CBARP: variants seen among roughly 807,000 people sequenced by gnomAD.
CBARP encodes the protein voltage-dependent calcium channel beta subunit-associated regulatory protein.
CBARP carries 24 observed loss-of-function variants against 36.3 expected under a neutral mutation model. That is an observed-to-expected ratio of 0.66 (90% CI 0.48 to 0.93). The LOEUF is 0.93. Among genes scored for constraint, CBARP ranks in the 40% least tolerant of loss-of-function variants. CBARP has a pLI of 0.00. For synonymous variants in CBARP, 586 were observed against 453.2 expected, an observed-to-expected ratio of 1.29 and a Z score of -3.72; for missense variants, 1,146 against 980.4, an observed-to-expected ratio of 1.17 and a Z score of -2.26.
chr19:1,230,677 G>A, intron 9 of CBARP: 1 of 1,280,322 alleles, frequency 7.8e-7, no homozygotes, highest in Non-Finnish European at 9.9e-7. Context: ...TGGGCTTCAG[G>A]GAAGTTGCCC....
chr19:1,231,451 C>T (rs1483536864), intron 8 of CBARP, among the ~76,000 whole-genome samples, 176 bp from the exon 9 acceptor site: 14 of 119,590 alleles, frequency 1.2e-4, no homozygotes, highest in African/African-American at 3.8e-4. Context: ...ACACATACAA[C>T]GCCTGGGCCC....
At chr19:1,232,653 T>G (rs559843715) in intron 8 of CBARP, among the ~76,000 whole-genome samples, 3 of 152,322 alleles carry the variant, frequency 2.0e-5, no homozygotes, top group African/African-American at 7.2e-5. Flanking sequence ...CCTGCAGAAT[T>G]GAAGGGCTAC....
At chr19:1,230,237 G>GTGGGACT in intron 9 of CBARP, 95 bp from the exon 10 acceptor site, 1 of 994,062 alleles carries the variant, frequency 1.0e-6, no homozygotes, top group African/African-American at 1.7e-5. Flanking sequence ...GTGGACGCGG[G>GTGGGACT]TGGGACTTGG....
chr19:1,229,968 C>T lies in CBARP; in HGVS notation c.1329G>A (p.Ser443=), dbSNP rs1462742157. 2 of 1,214,092 alleles carry T rather than the reference C, an allele frequency of 1.6e-6. No individual in the cohort carries two copies. Among genetic ancestry groups the T allele is most frequent in the South Asian group, 2.7e-5 (2 of 73,742 alleles). The allele number at this position is 1,214,092 out of a possible 1,614,324, so 75.2% of individuals were successfully genotyped here. A position where few individuals can be genotyped will look rare whatever the true frequency, so the allele number is the denominator to read the frequency against. ...SYRDLWSLRA[S]LELHAAASDH... is the part of the protein sequence containing the mutation. ...CCGAGGCGGCCGCATGCAGCTCAAGCGAGGCGCGCAGGCTCCACAGGTCGC... is the reference window on the plus strand; with the variant it reads ...CCGAGGCGGCCGCATGCAGCTCAAGTGAGGCGCGCAGGCTCCACAGGTCGC... Residue 443 remains serine (S), a synonymous_variant, in exon 10 of 10, where the codon TCG becomes TCA. Coordinates refer to ENST00000650044, the MANE Select transcript of CBARP (RefSeq NM_001393918.1). The surrounding 1 kb of genome is among the most constrained non-coding windows in gnomAD (Gnocchi z 5.1).
intron 1 of CBARP, among the ~76,000 whole-genome samples, chr19:1,237,165 G>C (rs1000505074): frequency 1.3e-5 from 2 of 152,344 alleles, no homozygotes; most frequent in South Asian, 4.1e-4. Context: ...TGCCCTTCCC[G>C]GACTTCCGCC....
chr19:1,229,179 T>G lies in CBARP; in HGVS notation c.2118A>C (p.Ter706TyrextTer82). The part of the protein sequence containing the change: ...APTSPDHSPA[*>Y] ...GAGAGATGGGCCCAGGACGCGGGAC[T>G]TAGGCCGGGCTGTGGTCGGGGGACG... Residue 706 changes from the stop codon to tyrosine (Y), a stop_lost, in exon 10 of 10, where the codon TAA becomes TAC. Transcript: ENST00000650044. This position sits in a 1 kb window ranked among gnomAD's most constrained non-coding sequence, Gnocchi z 5.1. The G allele has an allele frequency of 8.8e-7, 1 of 1,142,524 alleles. No homozygotes were observed. The highest frequency in any genetic ancestry group is 1.1e-6 in the Non-Finnish European group (1 of 910,102). The allele number at this position is 1,142,524 out of a possible 1,614,324, so 70.8% of individuals were successfully genotyped here.
At chr19:1,234,453 C>G in intron 6 of CBARP, 118 bp downstream of exon 6, 1 of 1,435,600 alleles carries the variant, frequency 7.0e-7, no homozygotes, top group Non-Finnish European at 9.1e-7. Context: ...CACCCCACCC[C>G]GCCCATCCCG....
chr19:1,231,670 G>A (rs867556061), intron 8 of CBARP, among the ~76,000 whole-genome samples: 11 of 146,980 alleles, frequency 7.5e-5, no homozygotes, highest in Non-Finnish European at 1.5e-4. Flanking sequence ...CACACAACGC[G>A]TGTGCCCTGT....
At chr19:1,233,017 G>A (rs1459136357) in intron 8 of CBARP, among the ~76,000 whole-genome samples, 2 of 152,214 alleles carry the variant, frequency 1.3e-5, no homozygotes, top group Non-Finnish European at 2.9e-5. Flanking sequence ...GGGGGAACCC[G>A]CCTTCCACTC....
In CBARP at chr19:1,235,781, G is replaced by C. The variant is rs1335989782; in HGVS notation, c.243C>G (p.Asn81Lys). 6.8e-6 allele frequency: 11 copies of C among 1,607,298 alleles called. No homozygotes were observed. Among genetic ancestry groups the C allele is most frequent in the South Asian group, 2.2e-5 (2 of 91,086 alleles). ...CAGCCGAGGTGGGGGCCTCGCACCTGTTGAGGCGCTGGTGGACGTCCCAGC... is the reference window on the plus strand; with the variant it reads ...CAGCCGAGGTGGGGGCCTCGCACCTCTTGAGGCGCTGGTGGACGTCCCAGC... ...KRCWDVHQRL[N>K]RAMEEAEKTT... Residue 81 changes from asparagine to lysine, a missense_variant and splice_region_variant, in exon 3 of 10, where the codon AAC becomes AAG. Asn to Lys is a moderately conservative substitution (Grantham distance 94, BLOSUM62 0). Transcript: ENST00000650044.
Position 1,229,504 on chromosome 19 carries a change from A to T in CBARP, c.1793T>A (p.Leu598Gln). 2.0e-6 allele frequency: 2 copies of T among 978,658 alleles called. No homozygotes were observed. Among genetic ancestry groups the T allele is most frequent in the Non-Finnish European group, 2.4e-6 (2 of 827,578 alleles). 60.6% of individuals were successfully genotyped at this position (978,658 alleles called of 1,614,324 possible). Residue 598 changes from leucine to glutamine, a missense_variant, in exon 10 of 10, where the codon CTG becomes CAG. Coordinates refer to ENST00000650044, the MANE Select transcript of CBARP (RefSeq NM_001393918.1). The surrounding 1 kb of genome is among the most constrained non-coding windows in gnomAD (Gnocchi z 5.1). ...GGCAGGCGGTGCCGGGGTTCCGGCC[A>T]GGGCCGGGGCCGCGCGGGCGCCGGG... ...SDPGARAAPA[L>Q]AGTPAPPAGA...
intron 9 of CBARP, chr19:1,230,792 T>A: frequency 7.1e-7 from 1 of 1,413,484 alleles, no homozygotes; most frequent in Non-Finnish European, 9.2e-7. Context: ...GGAGAGGGCC[T>A]GGGACCACAG....
At position 1,231,132 on chromosome 19, in the gene CBARP, A is replaced by G; in HGVS notation, c.1123T>C (p.Phe375Leu). The change falls in exon 9 of 10, where the codon TTT becomes CTT. Residue 375 changes from phenylalanine to leucine, a missense_variant. Transcript: ENST00000650044. ...AGAGCAGGGGGCGGGCTGGCCAGAA[A>G]GGGGCGGGGGTGCGGGAAGGCCACG... ...DAVAFPHPRPFLASPPPALGR... is the reference protein window; with the variant it reads ...DAVAFPHPRPLLASPPPALGR... 1 of 1,595,800 alleles carries G rather than the reference A, an allele frequency of 6.3e-7. No homozygotes were observed. The highest frequency in any genetic ancestry group is 8.5e-7 in the Non-Finnish European group (1 of 1,170,238).
At chr19:1,237,269 C>T (rs1230325292) in intron 1 of CBARP, among the ~76,000 whole-genome samples, 1 of 152,212 alleles carries the variant, frequency 6.6e-6, no homozygotes, top group African/African-American at 2.4e-5. Flanking sequence ...CTGCCCGGGC[C>T]CTGGTACTGG....
Position 1,235,137 on chromosome 19 carries a change from A to G in CBARP, c.319T>C (p.Phe107Leu). The change falls in exon 5 of 10, where the codon TTC (phenylalanine) becomes CTC (leucine). Residue 107 changes from phenylalanine (F) to leucine (L), a missense_variant. Physicochemically the swap from Phe to Leu is conservative, Grantham distance 22. Coordinates refer to ENST00000650044, the MANE Select transcript of CBARP (RefSeq NM_001393918.1). ...TGGCACTCGGGGTCCTCTCCCCGGA[A>G]GTCGGGGTCTGCGTGGAGAGGCAGG... Reference protein sequence around the residue: ...NGTHPAQDPDFRGEDPECQDA... With the variant: ...NGTHPAQDPDLRGEDPECQDA... 2 of 1,585,722 alleles carry G rather than the reference A, an allele frequency of 1.3e-6. No individual in the cohort carries two copies. The highest frequency in any genetic ancestry group is 1.7e-6 in the Non-Finnish European group (2 of 1,166,536).
chr19:1,233,451 C>T lies in CBARP; in HGVS notation c.954G>A (p.Gln318=), dbSNP rs1464234666. 1.3e-6 allele frequency: 2 copies of T among 1,596,826 alleles called. No individual in the cohort carries two copies. Among genetic ancestry groups the T allele is most frequent in the Non-Finnish European group, 1.7e-6 (2 of 1,172,090 alleles). ...CTCTCGTGTCCAGACTGGCTGCCCG[C>T]TGGCTGGGCTCCAGCTTCCACTTCT... The part of the protein sequence containing the change: ...KVKKWKLEPS[Q]RAASLDTRGS... The change falls in exon 8 of 10, where the codon CAG becomes CAA. Residue 318 remains glutamine (Q), a synonymous_variant. Transcript: ENST00000650044.
At chr19:1,230,770 G>C (rs947490916) in intron 9 of CBARP, 10 of 1,362,810 alleles carry the variant, frequency 7.3e-6, no homozygotes, top group Non-Finnish European at 7.5e-6. Context: ...GAGCATGGGC[G>C]GGGCGGGGGT....
rs758597566 is a variant in CBARP, at chr19:1,229,309, C to G, written c.1988G>C (p.Gly663Ala). Residue 663 changes from glycine (G) to alanine (A), a missense_variant, in exon 10 of 10, where the codon GGG (glycine) becomes GCG (alanine). Physicochemically the swap from Gly to Ala is moderately conservative, Grantham distance 60. Coordinates refer to ENST00000650044, the MANE Select transcript of CBARP (RefSeq NM_001393918.1). This position sits in a 1 kb window ranked among gnomAD's most constrained non-coding sequence, Gnocchi z 5.1. ...AGCCGCCAGCTTGTCCAGCACCGAC[C>G]CGGATGGTAGGACGCACAGGCCCGA... ...PGSGLCVLPS[G>A]SVLDKLAAGL... 1 of 1,254,332 alleles carries G rather than the reference C, an allele frequency of 8.0e-7. No homozygotes were observed. The highest frequency in any genetic ancestry group is 2.5e-5 in the Admixed American group (1 of 39,328). 77.7% of individuals were successfully genotyped at this position (1,254,332 alleles called of 1,614,324 possible). A position where few individuals can be genotyped will look rare whatever the true frequency, so the allele number is the denominator to read the frequency against.
intron 1 of CBARP, among the ~76,000 whole-genome samples, chr19:1,236,853 G>T (rs1405484967): frequency 6.8e-6 from 1 of 146,158 alleles, no homozygotes; most frequent in South Asian, 2.1e-4. Flanking sequence ...CGGCGGCCTG[G>T]GGGGGGGCGG....
Sources: allele counts gnomAD v4.1 joint callset (sites outside exome capture counted in the v4.1 genomes callset), GRCh38; gene constraint gnomAD v4.1.1; non-coding constraint Gnocchi (gnomAD v3.1); transcripts MANE v1.5; gene names NCBI Gene and HGNC (gene_info 2026-07-23, HGNC 2026-07-21).